NSUN6: variants seen among roughly 807,000 people sequenced by gnomAD.
NSUN6 encodes tRNA (cytosine(72)-C(5))-methyltransferase NSUN6.
A neutral mutation model predicts 58.0 loss-of-function variants in NSUN6; 64 were observed. That is an observed-to-expected ratio of 1.10 (90% confidence interval 0.90 to 1.36). NSUN6 has a LOEUF of 1.36. NSUN6 is among the 40% of genes most tolerant of loss of function. The probability of loss-of-function intolerance (pLI) is 0.00; values close to 1 mark genes in which losing one functional copy is unlikely to be tolerated. For synonymous variants in NSUN6, 231 were observed against 193.9 expected (o/e 1.19, Z -1.59); for missense variants, 701 against 550.1 (o/e 1.27, Z -2.74).
At chr10:18,567,894 C>T (rs62648441) in intron 8 of NSUN6, among the ~76,000 whole-genome samples, 29,405 of 150,858 alleles carry the variant, frequency 0.19, 3,110 homozygotes, top group South Asian at 0.31. Context: ...CCATTCCATT[C>T]TATTCACCAC....
chr10:18,647,451 G>GT (rs1421747038), intron 2 of NSUN6, among the ~76,000 whole-genome samples: 3 of 152,174 alleles, frequency 2.0e-5, no homozygotes, highest in Admixed American at 6.5e-5. Context: ...AAATTTCAGT[G>GT]TACAGTGTAT....
intron 3 of NSUN6, among the ~76,000 whole-genome samples, chr10:18,618,419 C>G (rs550714148): frequency 6.6e-6 from 1 of 152,252 alleles, no homozygotes; most frequent in Non-Finnish European, 1.5e-5. Flanking sequence ...CAGTGGCTCA[C>G]ACCTGTAATC....
At chr10:18,643,623 A>C (rs2059451860) in intron 2 of NSUN6, among the ~76,000 whole-genome samples, 1 of 152,244 alleles carries the variant, frequency 6.6e-6, no homozygotes, top group African/African-American at 2.4e-5. Flanking sequence ...GTTATCCAAC[A>C]GATAACTAAT....
At chr10:18,574,498 T>A (rs1388054974) in intron 8 of NSUN6, among the ~76,000 whole-genome samples, 1 of 151,954 alleles carries the variant, frequency 6.6e-6, no homozygotes, top group Admixed American at 6.6e-5. Context: ...TAGAAGAAAC[T>A]CCCTTCCAGA....
intron 8 of NSUN6, among the ~76,000 whole-genome samples, chr10:18,565,927 CATTCT>C (rs1489018303): frequency 6.7e-6 from 1 of 149,184 alleles, no homozygotes; most frequent in Non-Finnish European, 1.5e-5. Context: ...CATTCCATTC[CATTCT>C]CCCTCCCATT....
At chr10:18,557,251 A>AGAATG (rs2055099327) in intron 8 of NSUN6, among the ~76,000 whole-genome samples, 1 of 151,360 alleles carries the variant, frequency 6.6e-6, no homozygotes, top group East Asian at 1.9e-4. Flanking sequence ...AATTGAATGC[A>AGAATG]GAATGGAATG....
chr10:18,600,299 T>C (rs993516220), intron 6 of NSUN6, among the ~76,000 whole-genome samples: 3 of 152,168 alleles, frequency 2.0e-5, no homozygotes, highest in African/African-American at 7.2e-5. Context: ...TATGTCCTCC[T>C]GTCCTGTACA....
intron 8 of NSUN6, among the ~76,000 whole-genome samples, chr10:18,562,293 T>C (rs1446689507): frequency 6.7e-6 from 1 of 148,936 alleles, no homozygotes; most frequent in Non-Finnish European, 1.5e-5. Flanking sequence ...GAGAATGGAA[T>C]GCAACGGAGA....
intron 7 of NSUN6, among the ~76,000 whole-genome samples, chr10:18,593,694 C>G (rs898771880): frequency 6.6e-6 from 1 of 151,912 alleles, no homozygotes; most frequent in Admixed American, 6.6e-5. Flanking sequence ...ACATCACACA[C>G]GGGGGCCTGT....
chr10:18,652,574 T>C, upstream of NSUN6: 2 of 961,000 alleles, frequency 2.1e-6, no homozygotes, highest in Non-Finnish European at 2.5e-6. Flanking sequence ...CTGCTCTTTT[T>C]TTTTTTTTTT....
intron 5 of NSUN6, among the ~76,000 whole-genome samples, chr10:18,610,785 C>A (rs1018064049): frequency 1.3e-5 from 2 of 152,152 alleles, no homozygotes; most frequent in African/African-American, 4.8e-5. Flanking sequence ...AAAGCCAAGC[C>A]TGGCCTTGTG....
chr10:18,621,958 G>C (rs2058621714), intron 3 of NSUN6, among the ~76,000 whole-genome samples: 2 of 151,988 alleles, frequency 1.3e-5, no homozygotes, highest in African/African-American at 2.4e-5. Context: ...TATTTAATCA[G>C]TAGTCCTTGT....
intron 3 of NSUN6, among the ~76,000 whole-genome samples, chr10:18,636,591 A>G (rs2059222242): frequency 6.6e-6 from 1 of 152,258 alleles, no homozygotes; most frequent in Admixed American, 6.5e-5. Flanking sequence ...CTCATAATGG[A>G]AAGTCAAAAG....
chr10:18,619,384 C>G (rs2058521300), intron 3 of NSUN6, among the ~76,000 whole-genome samples: 1 of 152,208 alleles, frequency 6.6e-6, no homozygotes, highest in Admixed American at 6.5e-5. Context: ...GAAAGACCTA[C>G]TTTTAATTAC....
chr10:18,561,801 A>T (rs2055533753), intron 8 of NSUN6, among the ~76,000 whole-genome samples: 1 of 151,090 alleles, frequency 6.6e-6, no homozygotes, highest in Non-Finnish European at 1.5e-5. Context: ...ATACAATGGA[A>T]TGGAATGCAG....
rs368380925 is a variant in NSUN6 at position 18,578,355 on chromosome 10, T to C, written c.922+7594A>G. 2.0e-5 allele frequency among the ~76,000 whole-genome samples: 3 copies of C among 151,804 alleles called. No homozygotes were observed. In the East Asian group the frequency reaches 5.9e-4, roughly 30 times the overall value. Reference sequence around the variant, plus strand: ...TTCAAGCGATTCTGCTCCCTCAGCTTCCTGAGTGGCTAGGATTACAGGCAC... The same window carrying C: ...TTCAAGCGATTCTGCTCCCTCAGCTCCCTGAGTGGCTAGGATTACAGGCAC... On this transcript the variant is annotated intron_variant, in intron 8 of 10. Coordinates refer to ENST00000377304, the MANE Select transcript of NSUN6 (RefSeq NM_182543.5).
upstream of NSUN6, chr10:18,653,121 G>T: frequency 1.0e-6 from 1 of 985,018 alleles, no homozygotes; most frequent in Non-Finnish European, 1.2e-6. Flanking sequence ...ACCACTGATG[G>T]CTAGAATCTG....
chr10:18,612,151 G>A (rs958031283), intron 5 of NSUN6, among the ~76,000 whole-genome samples: 5 of 152,044 alleles, frequency 3.3e-5, no homozygotes, highest in East Asian at 3.9e-4. Flanking sequence ...TGGGTGTGGC[G>A]TCTCATCCCT....
intron 6 of NSUN6, among the ~76,000 whole-genome samples, chr10:18,608,851 C>G (rs2058130932): frequency 1.3e-5 from 2 of 152,070 alleles, no homozygotes; most frequent in Admixed American, 1.3e-4. Context: ...CTAAAATTAG[C>G]AAACGAAAAT....
Sources: gnomAD v4.1 joint callset for allele counts (sites outside exome capture counted in the v4.1 genomes callset) on GRCh38, gnomAD v4.1.1 for gene constraint, MANE v1.5 for transcripts, NCBI Gene and HGNC (gene_info 2026-07-23, HGNC 2026-07-21) for gene names.